Variants in STARD9 observed in about 807,000 individuals in gnomAD.
STARD9 encodes stAR-related lipid transfer protein 9.
In STARD9, 346 loss-of-function variants were observed where a neutral mutation model predicts 399.8. The ratio of observed to expected loss-of-function variants is 0.87; its 90% CI spans 0.79 to 0.95. The LOEUF (loss-of-function observed/expected upper bound fraction) is 0.95. Among genes scored for constraint, STARD9 ranks in the 40% least tolerant of loss-of-function variants. The pLI, the probability that STARD9 is intolerant of heterozygous loss-of-function variation, is 0.00. For synonymous variants in STARD9, 2,203 were observed against 2,143.5 expected (o/e 1.03, Z -0.77); for missense variants, 5,832 against 5,667.5 (o/e 1.03, Z -0.93).
At chr15:42,582,199 C>T (rs1406391711) in intron 1 of STARD9, among the ~76,000 whole-genome samples, 2 of 152,128 alleles carry the variant, frequency 1.3e-5, no homozygotes, top group Non-Finnish European at 2.9e-5. Flanking sequence ...TTTCTCCTAC[C>T]CCCAGTCCTC....
In STARD9 at chr15:42,685,303, G is replaced by C. The variant is rs557756778; in HGVS notation, c.3725G>C (p.Ser1242Thr). Reference protein sequence around the residue: ...TETFWHLEDSSLPVMDQEAIC... With the variant: ...TETFWHLEDSTLPVMDQEAIC... The stretch of plus-strand genomic sequence containing the variant: ...ACTTTTTGGCACCTGGAGGACTCTA[G>C]TCTGCCTGTAATGGACCAAGAGGCA... The change falls in exon 23 of 33, where the codon AGT becomes ACT. Residue 1242 changes from serine (S) to threonine (T), a missense_variant. By Grantham distance (58) the Ser-to-Thr change is moderately conservative. Coordinates refer to ENST00000290607, the MANE Select transcript of STARD9 (RefSeq NM_020759.3). 2.0e-6 allele frequency: 3 copies of C among 1,537,504 alleles called. No homozygotes were observed. Among genetic ancestry groups the C allele is most frequent in the Non-Finnish European group, 2.6e-6 (3 of 1,146,972 alleles).
Position 42,694,250 on chromosome 15 carries a change from C to T in STARD9, c.12672C>T (p.Ala4224=), listed in dbSNP as rs566736879. The T allele has an allele frequency of 1.4e-4, 219 of 1,530,072 alleles. 1 individual carries two copies. The South Asian group carries it at 1.4e-3, about 10-fold the overall frequency. The allele number at this position is 1,530,072 out of a possible 1,614,324, so 94.8% of individuals were successfully genotyped here. A position where few individuals can be genotyped will look rare whatever the true frequency, so the allele number is the denominator to read the frequency against. Residue 4224 remains alanine (A), a synonymous_variant, in exon 23 of 33, where the codon GCC becomes GCT. Coordinates refer to ENST00000290607, the MANE Select transcript of STARD9 (RefSeq NM_020759.3). The part of the protein sequence containing the change: ...EAKLHHGFGE[A]DALLQVLQSG... ...AACTGCACCATGGCTTTGGGGAGGC[C>T]GATGCCCTGCTCCAGGTGCTGCAGA...
chr15:42,610,998 G>A (rs1462428277), intron 3 of STARD9, among the ~76,000 whole-genome samples: 3 of 152,152 alleles, frequency 2.0e-5, no homozygotes, highest in East Asian at 3.8e-4. Flanking sequence ...TTATTTTAAT[G>A]AATTTCCAAG....
intron 3 of STARD9, among the ~76,000 whole-genome samples, chr15:42,588,777 T>TG (rs1311848825): frequency 1.3e-4 from 1 of 7,984 alleles, no homozygotes; most frequent in African/African-American, 2.1e-4. Flanking sequence ...CTTCACAGCG[T>TG]TTTTTTTTTT....
In STARD9 at chr15:42,635,983, T is replaced by C. The variant is rs2059411429; in HGVS notation, c.351+1011T>C. Among the ~76,000 whole-genome samples, 3 of 152,176 alleles carry C rather than the reference T, an allele frequency of 2.0e-5. No homozygotes were observed. In the South Asian group the frequency reaches 6.2e-4, roughly 31 times the overall value. Reference sequence around the variant, plus strand: ...GCAGAGTTGCTTAAGAATACCTTTTTGTTTTGGGTTTAGAAATATCCTGGT... The same window carrying C: ...GCAGAGTTGCTTAAGAATACCTTTTCGTTTTGGGTTTAGAAATATCCTGGT... On this transcript the variant is annotated intron_variant, in intron 4 of 32. Coordinates refer to ENST00000290607, the MANE Select transcript of STARD9 (RefSeq NM_020759.3).
At position 42,583,474 on chromosome 15, in the gene STARD9, G is replaced by C. The variant is rs189936023; in HGVS notation, c.117+59G>C. 52 of 1,271,214 alleles carry C rather than the reference G, an allele frequency of 4.1e-5. No individual in the cohort carries two copies. The African/African-American group carries it at 6.6e-4, about 16-fold the overall frequency. The allele number at this position is 1,271,214 out of a possible 1,614,324, so 78.7% of individuals were successfully genotyped here. On this transcript the variant is annotated intron_variant, in intron 2 of 32. Coordinates refer to ENST00000290607, the MANE Select transcript of STARD9 (RefSeq NM_020759.3). ...CTGAGGAGCTAATATTGTTACAGGGGCTTCCAGGCTGAAGGTGTATATGTG... is the reference window on the plus strand; with the variant it reads ...CTGAGGAGCTAATATTGTTACAGGGCCTTCCAGGCTGAAGGTGTATATGTG...
At chr15:42,576,639 G>T (rs373665972) in intron 1 of STARD9, among the ~76,000 whole-genome samples, 2 of 152,174 alleles carry the variant, frequency 1.3e-5, no homozygotes, top group Non-Finnish European at 2.9e-5. Flanking sequence ...GTGCTTTGGG[G>T]ACCAGGAGGC....
At position 42,588,776 on chromosome 15, in the gene STARD9, G is replaced by GTTTTTTTTTT. The variant is rs758570571; in HGVS notation, c.234+3169_234+3178dup. ...TAACCCAGTTTATCCTCTTCACAGC[G>GTTTTTTTTTT]TTTTTTTTTTTTTTTTTTTTTTTTT... On this transcript the variant is annotated intron_variant, in intron 3 of 32. Coordinates refer to ENST00000290607, the MANE Select transcript of STARD9 (RefSeq NM_020759.3). 1.0e-4 allele frequency among the ~76,000 whole-genome samples: 4 copies of GTTTTTTTTTT among 38,414 alleles called. 1 individual carries two copies. The highest frequency in any genetic ancestry group is 3.5e-4 in the African/African-American group (3 of 8,456). The allele number at this position is 38,414 out of a possible 152,430, so 25.2% of individuals were successfully genotyped here. A position where few individuals can be genotyped will look rare whatever the true frequency, so the allele number is the denominator to read the frequency against.
chr15:42,665,885 C>T, intron 15 of STARD9, 37 bp downstream of exon 15: 2 of 1,504,812 alleles, frequency 1.3e-6, no homozygotes, highest in Non-Finnish European at 8.9e-7. Flanking sequence ...TTCTTTACAT[C>T]ACCTGGGAGC....
chr15:42,588,420 A>G (rs2058323179), intron 3 of STARD9, among the ~76,000 whole-genome samples: 3 of 152,218 alleles, frequency 2.0e-5, no homozygotes, highest in Admixed American at 1.3e-4. Context: ...AGATCCAGAC[A>G]GGAAGCCTGT....
At chr15:42,619,065 T>C (rs1205330187) in intron 3 of STARD9, among the ~76,000 whole-genome samples, 1 of 152,208 alleles carries the variant, frequency 6.6e-6, no homozygotes, top group African/African-American at 2.4e-5. Flanking sequence ...TTTCAGTTTT[T>C]CACTCTTCCT....
intron 1 of STARD9, chr15:42,581,581 C>T: frequency 3.6e-6 from 3 of 826,826 alleles, no homozygotes; most frequent in Non-Finnish European, 5.9e-6. Context: ...GAAAAGCGAG[C>T]TCTGCGCACT....
chr15:42,635,765 G>C (rs550129077), intron 4 of STARD9, among the ~76,000 whole-genome samples: 1 of 152,278 alleles, frequency 6.6e-6, no homozygotes, highest in African/African-American at 2.4e-5. Context: ...CTTTGTTGTG[G>C]ACAAGACCTG....
rs1186165004 is a variant in STARD9 at position 42,693,343 on chromosome 15, C to T, written c.11765C>T (p.Ala3922Val). 6.5e-7 allele frequency: 1 copy of T among 1,537,180 alleles called. No homozygotes were observed. The highest frequency in any genetic ancestry group is 2.0e-5 in the Admixed American group (1 of 51,006). ...GLSPGSLTLS[A>V]PSTHPVEGHQ... ...TCCCCAGGCTCTTTGACCCTCTCAG[C>T]CCCTTCAACTCACCCTGTTGAAGGC... The change falls in exon 23 of 33, where the codon GCC becomes GTC. Residue 3922 changes from alanine (A) to valine (V), a missense_variant. Ala to Val is a moderately conservative substitution (Grantham distance 64, BLOSUM62 0). Coordinates refer to ENST00000290607, the MANE Select transcript of STARD9 (RefSeq NM_020759.3).
intron 7 of STARD9, among the ~76,000 whole-genome samples, chr15:42,650,104 C>T (rs2059729412): frequency 6.6e-6 from 1 of 151,926 alleles, no homozygotes; most frequent in South Asian, 2.1e-4. Flanking sequence ...GACCTCAGGC[C>T]CGCCCGCCTC....
At chr15:42,577,279 C>A (rs979606417) in intron 1 of STARD9, among the ~76,000 whole-genome samples, 1 of 152,034 alleles carries the variant, frequency 6.6e-6, no homozygotes, top group African/African-American at 2.4e-5. Flanking sequence ...TCAGCCTCCC[C>A]AGCAGCTGGG....
At chr15:42,652,936 C>T (rs2059793076) in intron 9 of STARD9, among the ~76,000 whole-genome samples, 1 of 152,172 alleles carries the variant, frequency 6.6e-6, no homozygotes, top group African/African-American at 2.4e-5. Context: ...GCTCGGCCTG[C>T]CTAAGTGCTG....
At chr15:42,698,128 C>T (rs187995678) in intron 26 of STARD9, among the ~76,000 whole-genome samples, 84 of 152,308 alleles carry the variant, frequency 5.5e-4, no homozygotes, top group Admixed American at 9.2e-4. Context: ...TGTAGAGTTG[C>T]ACCGTCATTT....
rs1566930637 is a variant in STARD9, at chr15:42,682,173, T to C, written c.2135T>C (p.Val712Ala). Residue 712 changes from valine (V) to alanine (A), a missense_variant, in exon 22 of 33, where the codon GTA (valine) becomes GCA (alanine). Physicochemically the swap from Val to Ala is moderately conservative, Grantham distance 64 (BLOSUM62 0). Coordinates refer to ENST00000290607, the MANE Select transcript of STARD9 (RefSeq NM_020759.3). ...CAACAGCAGCAGCAAGAAGACCAGG[T>C]AGCAGAGAAAGAACTTGAGGCATCT... ...SLQQQQQEDQ[V>A]AEKELEASVA... 2 of 1,537,200 alleles carry C rather than the reference T, an allele frequency of 1.3e-6. No individual in the cohort carries two copies. The highest frequency in any genetic ancestry group is 8.7e-7 in the Non-Finnish European group (1 of 1,146,882).
Sources: gnomAD v4.1 joint callset for allele counts (sites outside exome capture counted in the v4.1 genomes callset) on GRCh38, gnomAD v4.1.1 for gene constraint, MANE v1.5 for transcripts, NCBI Gene and HGNC (gene_info 2026-07-23, HGNC 2026-07-21) for gene names.